HEATR4: variants seen among roughly 807,000 people sequenced by gnomAD.
HEATR4 encodes the protein HEAT repeat-containing protein 4.
HEATR4 carries 95 observed loss-of-function variants against 108.8 expected under a neutral mutation model. The observed-to-expected ratio is 0.87, with a 90% CI of 0.74 to 1.04. HEATR4 has a LOEUF of 1.04. Among genes scored for constraint, HEATR4 ranks in the 50% least tolerant of loss-of-function variants. The probability of loss-of-function intolerance (pLI) is 0.00; values close to 1 mark genes in which losing one functional copy is unlikely to be tolerated. For synonymous variants in HEATR4, 443 were observed against 459.4 expected (o/e 0.96, Z 0.46); for missense variants, 1,152 against 1,253.8 (o/e 0.92, Z 1.23).
the HEATR4 span, chr14:73,592,048 A>G: frequency 1.2e-5 from 18 of 1,470,516 alleles, no homozygotes; most frequent in Admixed American, 8.0e-5. Context: ...GCCCCGGAGC[A>G]GCGGGTTACG....
chr14:73,537,910 C>A, intron 1 of HEATR4: 1 of 1,161,272 alleles, frequency 8.6e-7, no homozygotes, highest in Non-Finnish European at 1.1e-6. Context: ...TTCCCCTCTG[C>A]CCATCCCTGT....
intron 17 of HEATR4, among the ~76,000 whole-genome samples, chr14:73,479,921 C>T (rs1359097159): frequency 6.6e-6 from 1 of 152,060 alleles, no homozygotes; most frequent in Non-Finnish European, 1.5e-5. Flanking sequence ...GGTAGTCTCT[C>T]TCAGCCTACT....
At chr14:73,508,968 T>TG (rs1595110692) in intron 8 of HEATR4, among the ~76,000 whole-genome samples, 2 of 151,950 alleles carry the variant, frequency 1.3e-5, no homozygotes, top group East Asian at 3.9e-4. Flanking sequence ...TAAGCATGTA[T>TG]ATATAGGTCT....
At chr14:73,559,148 T>A (rs1889462176), upstream of HEATR4, among the ~76,000 whole-genome samples, 1 of 152,006 alleles carries the variant, frequency 6.6e-6, no homozygotes, top group South Asian at 2.1e-4. Flanking sequence ...GTCTTTTTTC[T>A]TTTTTGAGAC....
the HEATR4 span, among the ~76,000 whole-genome samples, chr14:73,597,542 G>A: frequency 1.3e-5 from 2 of 149,886 alleles, no homozygotes; most frequent in East Asian, 2.0e-4. Context: ...GTGCCAGCAC[G>A]CCCAGCTAAT....
chr14:73,590,874 G>C, the HEATR4 span, among the ~76,000 whole-genome samples: 1 of 152,196 alleles, frequency 6.6e-6, no homozygotes, highest in African/African-American at 2.4e-5. Context: ...GCCCAGAAAG[G>C]GGCTCCCACA....
chr14:73,508,136 T>A lies in HEATR4; in HGVS notation c.1879A>T (p.Thr627Ser). The A allele has an allele frequency of 1.9e-6, 3 of 1,613,968 alleles. No homozygotes were observed. The highest frequency in any genetic ancestry group is 2.5e-6 in the Non-Finnish European group (3 of 1,179,828). The stretch of plus-strand genomic sequence containing the variant: ...CTGACCCGGTAATGGACACATACTG[T>A]CTTCTCACTCAGATAGCTCAGGAGG... ...YILLSYLSEKTTLIHTMLAVE... is the reference protein window; with the variant it reads ...YILLSYLSEKSTLIHTMLAVE... Residue 627 changes from threonine (T) to serine (S), a missense_variant and splice_region_variant, in exon 9 of 18, where the codon ACA (threonine) becomes TCA (serine). Transcript: ENST00000553558.
the HEATR4 span, among the ~76,000 whole-genome samples, chr14:73,625,554 G>C: frequency 3.3e-5 from 5 of 151,340 alleles, no homozygotes; most frequent in African/African-American, 1.2e-4. Context: ...TAGAGACGAG[G>C]TTTCACCATT....
Position 73,532,026 on chromosome 14 carries a change from C to G in HEATR4, c.-151-1782G>C, listed in dbSNP as rs919307520. ...CAGCCTGGGCAGCAAGAGTGAAGTG[C>G]AGTCTCAAAAAATAAAAATAAAAAA... is the stretch of plus-strand genomic sequence containing the variant. On this transcript the variant is annotated intron_variant, in intron 1 of 17. Coordinates refer to ENST00000553558, the MANE Select transcript of HEATR4 (RefSeq NM_001220484.1). 9.7e-5 allele frequency among the ~76,000 whole-genome samples: 11 copies of G among 113,576 alleles called. 2 individuals are homozygous for G. The highest frequency in any genetic ancestry group is 3.2e-4 in the African/African-American group (11 of 34,874). The allele number at this position is 113,576 out of a possible 152,430, so 74.5% of individuals were successfully genotyped here.
chr14:73,591,990 G>A, the HEATR4 span: 2 of 1,417,050 alleles, frequency 1.4e-6, no homozygotes, highest in African/African-American at 1.5e-5. Flanking sequence ...GGAGCCCCCA[G>A]GCCGCTGCTG....
the HEATR4 span, chr14:73,581,279 A>G: frequency 5.3e-5 from 8 of 152,042 alleles, no homozygotes; most frequent in African/African-American, 9.7e-5. Flanking sequence ...CAAGGCACCC[A>G]CAGATCTGGT....
intron 17 of HEATR4, among the ~76,000 whole-genome samples, chr14:73,486,343 T>G (rs574965245): frequency 3.0e-4 from 45 of 152,332 alleles, no homozygotes; most frequent in Middle Eastern, 3.4e-3. Flanking sequence ...TACTTTCCTT[T>G]TATTTCTCTT....
rs1051422169 is a variant in HEATR4, at chr14:73,502,763, G to A, written c.2105+132C>T. ...AGGGTTTTACTGTGTTAGCCAGGAT[G>A]GTCTCGATCTCCTGACCTCGTGATC... On this transcript the variant is annotated intron_variant, in intron 11 of 17. Transcript: ENST00000553558. The A allele has an allele frequency of 1.0e-5, 7 of 701,094 alleles. No individual in the cohort carries two copies. The Admixed American group carries it at 1.5e-4, about 15-fold the overall frequency. The allele number at this position is 701,094 out of a possible 1,614,324, so 43.4% of individuals were successfully genotyped here.
At position 73,509,323 on chromosome 14, in the gene HEATR4, G is replaced by T; in HGVS notation, c.1709C>A (p.Ala570Asp). ...NPLARNIMQT[A>D]LLKGNSVDSW... is the part of the protein sequence containing the mutation. The stretch of plus-strand genomic sequence containing the variant: ...AGGGAGTTACTCACCCTTCAGAAGG[G>T]CAGTCTGCATGATGTTCCGGGCAAG... Residue 570 changes from alanine to aspartate, a missense_variant, in exon 8 of 18, where the codon GCC becomes GAC. Physicochemically the swap from Ala to Asp is moderately radical, Grantham distance 126. Transcript: ENST00000553558. 1 of 1,613,980 alleles carries T rather than the reference G, an allele frequency of 6.2e-7. No homozygotes were observed. The highest frequency in any genetic ancestry group is 1.1e-5 in the South Asian group (1 of 91,076).
At chr14:73,479,277 A>G (rs1024792220) in intron 17 of HEATR4, among the ~76,000 whole-genome samples, 2 of 147,300 alleles carry the variant, frequency 1.4e-5, no homozygotes, top group South Asian at 4.3e-4. Context: ...CACCACGCCC[A>G]GCTAATTTTT....
intron 2 of HEATR4, among the ~76,000 whole-genome samples, chr14:73,524,310 A>AAAATATAT: frequency 5.5e-4 from 30 of 54,772 alleles, no homozygotes; most frequent in Admixed American, 1.4e-3. Context: ...AAAAAAAAAA[A>AAAATATAT]ATATATATAT....
chr14:73,514,835 G>A (rs567194621), intron 5 of HEATR4, among the ~76,000 whole-genome samples: 1 of 151,886 alleles, frequency 6.6e-6, no homozygotes, highest in Non-Finnish European at 1.5e-5. Context: ...TTGGGAGGCC[G>A]AGGCGAGCAG....
At chr14:73,528,342 A>G (rs1199838909) in intron 2 of HEATR4, among the ~76,000 whole-genome samples, 1 of 145,690 alleles carries the variant, frequency 6.9e-6, no homozygotes, top group Non-Finnish European at 1.5e-5. Flanking sequence ...CAGTGAGCCA[A>G]GATCGCGCCA....
chr14:73,570,242 C>T, the HEATR4 span, among the ~76,000 whole-genome samples: 1 of 151,632 alleles, frequency 6.6e-6, no homozygotes, highest in Non-Finnish European at 1.5e-5. Context: ...CGCTCCAAAA[C>T]TGAGAGGTCC....
Sources: allele counts gnomAD v4.1 joint callset (sites outside exome capture counted in the v4.1 genomes callset), GRCh38; gene constraint gnomAD v4.1.1; transcripts MANE v1.5; gene names NCBI Gene and HGNC (gene_info 2026-07-23, HGNC 2026-07-21).